MACROD2: variants seen among roughly 807,000 people sequenced by gnomAD.
MACROD2 encodes mono-ADP ribosylhydrolase 2.
MACROD2 carries 36 observed loss-of-function variants against 70.4 expected under a neutral mutation model. The observed-to-expected ratio is 0.51, with a 90% CI of 0.39 to 0.68. The LOEUF is 0.68. Among genes scored for constraint, MACROD2 ranks in the 30% least tolerant of loss-of-function variants. The probability of loss-of-function intolerance (pLI) is 0.00; values close to 1 mark genes in which losing one functional copy is unlikely to be tolerated. For missense variants in MACROD2, 496 were observed against 538.4 expected (o/e 0.92, Z 0.78); for synonymous variants, 172 against 178.8 (o/e 0.96, Z 0.30).
chr20:15,959,266 C>A (rs2066024437), intron 12 of MACROD2, among the ~76,000 whole-genome samples: 1 of 152,102 alleles, frequency 6.6e-6, no homozygotes, highest in Non-Finnish European at 1.5e-5. Flanking sequence ...CTCTGTACAC[C>A]CTATTTCCTG....
intron 5 of MACROD2, among the ~76,000 whole-genome samples, chr20:15,125,016 A>G (rs2123259374): frequency 6.6e-6 from 1 of 152,216 alleles, no homozygotes; most frequent in Non-Finnish European, 1.5e-5. Context: ...TTAGGAAGGT[A>G]ATTCTGTGAG....
At chr20:15,852,602 G>T (rs1391418230) in intron 8 of MACROD2, among the ~76,000 whole-genome samples, 3 of 152,156 alleles carry the variant, frequency 2.0e-5, no homozygotes, top group African/African-American at 7.2e-5. Flanking sequence ...ATGATATTCG[G>T]TGACATTTGA....
At chr20:14,310,874 A>C (rs2082561103) in intron 3 of MACROD2, among the ~76,000 whole-genome samples, 1 of 151,880 alleles carries the variant, frequency 6.6e-6, no homozygotes, top group Non-Finnish European at 1.5e-5. Context: ...ATTTTTTTTT[A>C]AATAGAAAAA....
intron 9 of MACROD2, among the ~76,000 whole-genome samples, chr20:15,876,848 A>G (rs994321879): frequency 6.6e-6 from 1 of 151,880 alleles, no homozygotes; most frequent in African/African-American, 2.4e-5. Context: ...TTTGATTTGC[A>G]TTTCTCTGAT....
chr20:14,532,337 C>T (rs558275915), intron 4 of MACROD2, among the ~76,000 whole-genome samples: 46 of 151,610 alleles, frequency 3.0e-4, no homozygotes, highest in African/African-American at 1.1e-3. Flanking sequence ...CCTGCCTCAG[C>T]CTCCCAAGTA....
At chr20:15,660,736 G>T (rs1015167134) in intron 8 of MACROD2, among the ~76,000 whole-genome samples, 6 of 152,158 alleles carry the variant, frequency 3.9e-5, no homozygotes, top group South Asian at 2.1e-4. Context: ...GGACCCACAG[G>T]CATGAACTGT....
At chr20:15,115,960 G>A (rs1209277790) in intron 5 of MACROD2, among the ~76,000 whole-genome samples, 1 of 152,014 alleles carries the variant, frequency 6.6e-6, no homozygotes, top group African/African-American at 2.4e-5. Flanking sequence ...AAAGACAAAG[G>A]AGGAATCTTA....
intron 5 of MACROD2, among the ~76,000 whole-genome samples, chr20:14,707,392 T>G (rs1293940033): frequency 6.6e-6 from 1 of 152,188 alleles, no homozygotes; most frequent in African/African-American, 2.4e-5. Flanking sequence ...AACCTTTTCA[T>G]AGAAGAGCCT....
intron 4 of MACROD2, among the ~76,000 whole-genome samples, chr20:14,648,967 C>T (rs1014159681): frequency 5.9e-5 from 9 of 152,142 alleles, no homozygotes; most frequent in African/African-American, 1.9e-4. Flanking sequence ...TCAAGTGCTA[C>T]GTGCAATAGG....
At chr20:15,028,794 G>C (rs2075252732) in intron 5 of MACROD2, among the ~76,000 whole-genome samples, 1 of 152,170 alleles carries the variant, frequency 6.6e-6, no homozygotes, top group African/African-American at 2.4e-5. Flanking sequence ...GATACATGGA[G>C]GTCAGAAAGA....
At chr20:14,662,716 C>G (rs1444378301) in intron 4 of MACROD2, among the ~76,000 whole-genome samples, 1 of 151,434 alleles carries the variant, frequency 6.6e-6, no homozygotes, top group African/African-American at 2.4e-5. Context: ...TACATCTGAA[C>G]AACAATCATA....
chr20:14,493,309 ACT>A lies in MACROD2; in HGVS notation c.272-166_272-165del, dbSNP rs150537678. Among the ~76,000 whole-genome samples, 40 of 152,050 alleles carry A rather than the reference ACT, an allele frequency of 2.6e-4. No homozygotes were observed. In the East Asian group the frequency reaches 7.3e-3, roughly 28 times the overall value. On this transcript the variant is annotated intron_variant, in intron 3 of 17. Transcript: ENST00000684519. ...AGTAGTGAAATATTTTAATTTTCAA[ACT>A]CTCATAAAATAGTAATACAGGCTGT...
chr20:15,170,142 G>T (rs934729599), intron 5 of MACROD2, among the ~76,000 whole-genome samples: 9 of 152,172 alleles, frequency 5.9e-5, no homozygotes, highest in African/African-American at 2.2e-4. Context: ...CTTTAGGTTA[G>T]CTTGCTAATT....
intron 3 of MACROD2, among the ~76,000 whole-genome samples, chr20:14,353,169 C>T (rs1054058899): frequency 2.6e-5 from 4 of 152,076 alleles, no homozygotes; most frequent in South Asian, 4.1e-4. Context: ...ACATAGTCAG[C>T]GACCCATGTT....
chr20:14,836,025 A>G lies in MACROD2; in HGVS notation c.418+151066A>G, dbSNP rs1308748929. On this transcript the variant is annotated intron_variant, in intron 5 of 17. Coordinates refer to ENST00000684519, the MANE Select transcript of MACROD2 (RefSeq NM_001351661.2). ...TCCTATTTTTGCTAAACAGGTTTAAATCCTTAAATGGTTACAGAATTCCCC... is the reference window on the plus strand; with the variant it reads ...TCCTATTTTTGCTAAACAGGTTTAAGTCCTTAAATGGTTACAGAATTCCCC... Among the ~76,000 whole-genome samples, 3 of 152,202 alleles carry G rather than the reference A, an allele frequency of 2.0e-5. No homozygotes were observed. In the East Asian group the frequency reaches 5.8e-4, roughly 29 times the overall value.
intron 7 of MACROD2, among the ~76,000 whole-genome samples, chr20:15,433,807 C>A (rs2046394290): frequency 6.6e-6 from 1 of 150,906 alleles, no homozygotes; most frequent in Admixed American, 6.6e-5. Context: ...TACTACAGGT[C>A]TATAACTAAC....
intron 7 of MACROD2, among the ~76,000 whole-genome samples, chr20:15,446,734 C>T (rs1217399644): frequency 2.0e-5 from 3 of 152,284 alleles, no homozygotes; most frequent in East Asian, 3.9e-4. Context: ...CTGGCGCTGC[C>T]GTAGGGAAAG....
intron 8 of MACROD2, among the ~76,000 whole-genome samples, chr20:15,798,324 A>G (rs2063693815): frequency 6.6e-6 from 1 of 152,194 alleles, no homozygotes; most frequent in Non-Finnish European, 1.5e-5. Context: ...TCCTTCATTC[A>G]CATGTCTGGC....
chr20:15,536,308 TG>T (rs1263091318), intron 8 of MACROD2, among the ~76,000 whole-genome samples: 2 of 152,190 alleles, frequency 1.3e-5, no homozygotes, highest in African/African-American at 4.8e-5. Context: ...CACCTCCACA[TG>T]GGTTGTCTTC....
Sources: gnomAD v4.1 joint callset for allele counts (sites outside exome capture counted in the v4.1 genomes callset) on GRCh38, gnomAD v4.1.1 for gene constraint, MANE v1.5 for transcripts, NCBI Gene and HGNC (gene_info 2026-07-23, HGNC 2026-07-21) for gene names.